Variants in SRBD1 observed in about 807,000 individuals in gnomAD.
SRBD1 encodes the protein S1 RNA-binding domain-containing protein 1.
SRBD1 carries 88 observed loss-of-function variants against 115.3 expected under a neutral mutation model. That is an observed-to-expected ratio of 0.76 (90% CI 0.64 to 0.91). SRBD1 has a LOEUF of 0.91. Among genes scored for constraint, SRBD1 ranks in the 40% least tolerant of loss-of-function variants. The pLI is 0.00. For synonymous variants in SRBD1, 509 were observed against 407.7 expected, an observed-to-expected ratio of 1.25 and a Z score of -2.99; for missense variants, 1,385 against 1,177.4, an observed-to-expected ratio of 1.18 and a Z score of -2.58.
intron 18 of SRBD1, among the ~76,000 whole-genome samples, chr2:45,414,337 AAC>A (rs1426755210): frequency 6.6e-6 from 1 of 152,180 alleles, no homozygotes; most frequent in African/African-American, 2.4e-5. Context: ...AACTACAAGA[AAC>A]AGTGCAGAAA....
chr2:45,569,602 TA>T (rs1160000274), intron 9 of SRBD1: 1 of 152,146 alleles, frequency 6.6e-6, no homozygotes, highest in African/African-American at 2.4e-5. Context: ...GGAAGAAAAA[TA>T]AATTTTAAAA....
chr2:45,520,884 C>A (rs191703120), intron 14 of SRBD1, among the ~76,000 whole-genome samples: 2 of 152,196 alleles, frequency 1.3e-5, no homozygotes, highest in East Asian at 3.9e-4. Flanking sequence ...CCATGTGTAA[C>A]CCAATTCTTC....
At chr2:45,570,671 G>C (rs193239867) in intron 9 of SRBD1, among the ~76,000 whole-genome samples, 1 of 152,186 alleles carries the variant, frequency 6.6e-6, no homozygotes, top group Admixed American at 6.5e-5. Context: ...ATTTCTATAA[G>C]AGAGCACTTT....
chr2:45,407,174 AG>A lies in SRBD1; in HGVS notation c.2513+5939del, dbSNP rs1667461178. Among the ~76,000 whole-genome samples the A allele has an allele frequency of 2.0e-5, 3 of 152,166 alleles. 1 individual carries two copies. Among genetic ancestry groups the A allele is most frequent in the South Asian group, 4.1e-4 (2 of 4,824 alleles). ...GGAATAATAATAGTACCAACCTCAC[AG>A]GGTTGCTGTGTGAGGTTTAAACATG... On this transcript the variant is annotated intron_variant, in intron 19 of 20. Transcript: ENST00000263736.
intron 14 of SRBD1, among the ~76,000 whole-genome samples, chr2:45,537,375 C>T (rs1490513269): frequency 6.6e-6 from 1 of 152,188 alleles, no homozygotes; most frequent in African/African-American, 2.4e-5. Flanking sequence ...AATACACACA[C>T]TCTTATCTTT....
At chr2:45,527,770 A>G (rs916675345) in intron 14 of SRBD1, among the ~76,000 whole-genome samples, 1 of 151,900 alleles carries the variant, frequency 6.6e-6, no homozygotes, top group Admixed American at 6.6e-5. Flanking sequence ...ATGGTAGTAA[A>G]GGATGAAGCT....
chr2:45,430,260 A>T (rs1325772405), intron 16 of SRBD1, among the ~76,000 whole-genome samples: 1 of 152,102 alleles, frequency 6.6e-6, no homozygotes, highest in Non-Finnish European at 1.5e-5. Flanking sequence ...TCAAGCTACC[A>T]CTGACTTTCT....
Position 45,389,515 on chromosome 2 carries a change from T to C in SRBD1, c.2783A>G (p.Asn928Ser), listed in dbSNP as rs775732615. Residue 928 changes from asparagine (N) to serine (S), a missense_variant, in exon 21 of 21, where the codon AAT becomes AGT. Asn to Ser is a conservative substitution (Grantham distance 46). Coordinates refer to ENST00000263736, the MANE Select transcript of SRBD1 (RefSeq NM_018079.5). ...CACAAAAATTCCAAAGAGAGTGGCA[T>C]TCTCAACTTTGCCTGTAAGAACTGT... ...IGTVLTGKVE[N>S]ATLFGIFVDI... 6.2e-7 allele frequency: 1 copy of C among 1,614,082 alleles called. No individual in the cohort carries two copies. Among genetic ancestry groups the C allele is most frequent in the Non-Finnish European group, 8.5e-7 (1 of 1,179,948 alleles).
At chr2:45,442,268 C>A (rs1239670222) in intron 16 of SRBD1, among the ~76,000 whole-genome samples, 1 of 152,176 alleles carries the variant, frequency 6.6e-6, no homozygotes, top group African/African-American at 2.4e-5. Flanking sequence ...ACCAATTAAG[C>A]ACCTCTAACA....
At chr2:45,581,049 C>T (rs1398064981) in intron 6 of SRBD1, among the ~76,000 whole-genome samples, 15 of 152,040 alleles carry the variant, frequency 9.9e-5, no homozygotes, top group Non-Finnish European at 1.5e-5. Flanking sequence ...TCTCACATAC[C>T]TTGCAGGAAA....
intron 20 of SRBD1, among the ~76,000 whole-genome samples, chr2:45,390,398 G>A (rs1169627200): frequency 1.3e-5 from 2 of 151,904 alleles, no homozygotes; most frequent in African/African-American, 4.8e-5. Flanking sequence ...GTTCATTATT[G>A]TCCAAAAGGT....
In SRBD1 at chr2:45,596,913, A is replaced by AC. The variant is rs770256361; in HGVS notation, c.648+2535dup. On this transcript the variant is annotated intron_variant, in intron 4 of 20. Coordinates refer to ENST00000263736, the MANE Select transcript of SRBD1 (RefSeq NM_018079.5). Reference sequence around the variant, plus strand: ...AAATGCCCTCCTTTTCTCAGAGAACACCCCCCCACAACCCTAACACACACA... The same window carrying AC: ...AAATGCCCTCCTTTTCTCAGAGAACACCCCCCCCACAACCCTAACACACACA... Among the ~76,000 whole-genome samples, 10 of 135,202 alleles carry AC rather than the reference A, an allele frequency of 7.4e-5. No homozygotes were observed. The East Asian group carries it at 8.2e-4, about 11-fold the overall frequency. 88.7% of individuals were successfully genotyped at this position (135,202 alleles called of 152,430 possible). A position where few individuals can be genotyped will look rare whatever the true frequency, so the allele number is the denominator to read the frequency against.
intron 16 of SRBD1, among the ~76,000 whole-genome samples, chr2:45,438,028 G>A (rs1668553123): frequency 1.3e-5 from 2 of 152,132 alleles, no homozygotes; most frequent in African/African-American, 4.8e-5. Flanking sequence ...AACTTTGACT[G>A]ATAATGATAT....
At chr2:45,467,105 T>C (rs1053143367) in intron 16 of SRBD1, among the ~76,000 whole-genome samples, 7 of 152,240 alleles carry the variant, frequency 4.6e-5, no homozygotes, top group African/African-American at 1.7e-4. Flanking sequence ...TTTCTGATCC[T>C]ACAGGTCTGG....
At chr2:45,493,206 G>C (rs904056507) in intron 14 of SRBD1, among the ~76,000 whole-genome samples, 1 of 152,202 alleles carries the variant, frequency 6.6e-6, no homozygotes, top group African/African-American at 2.4e-5. Context: ...CATATCGTGA[G>C]AGGTTAAATG....
At chr2:45,544,783 C>T (rs757702586) in intron 14 of SRBD1, among the ~76,000 whole-genome samples, 13 of 151,928 alleles carry the variant, frequency 8.6e-5, no homozygotes, top group African/African-American at 2.4e-4. Context: ...AATAAAAGTA[C>T]GTATATAAAC....
rs1199310683 is a variant in SRBD1, at chr2:45,602,003, G to T, written c.161C>A (p.Pro54His). The T allele has an allele frequency of 1.9e-6, 3 of 1,614,052 alleles. No individual in the cohort carries two copies. Among genetic ancestry groups the T allele is most frequent in the Non-Finnish European group, 2.5e-6 (3 of 1,180,024 alleles). The change falls in exon 3 of 21, where the codon CCC (proline) becomes CAC (histidine). Residue 54 changes from proline to histidine, a missense_variant. By Grantham distance (77) the Pro-to-His change is moderately conservative. Transcript: ENST00000263736. Reference sequence around the variant, plus strand: ...CTTTGGTTTGGATTCCTTGGGAGGGGGCTGTTTACGGCTTCTGGGAACTTT... The same window carrying T: ...CTTTGGTTTGGATTCCTTGGGAGGGTGCTGTTTACGGCTTCTGGGAACTTT... ...QKKVPRSRKQ[P>H]PPKESKPKRM...
intron 14 of SRBD1, among the ~76,000 whole-genome samples, chr2:45,502,399 C>A (rs1338721783): frequency 6.6e-6 from 1 of 152,132 alleles, no homozygotes; most frequent in African/African-American, 2.4e-5. Context: ...TAATACAGCA[C>A]TATTCACAAT....
intron 19 of SRBD1, among the ~76,000 whole-genome samples, chr2:45,405,483 G>T (rs1667405522): frequency 6.6e-6 from 1 of 152,152 alleles, no homozygotes. Context: ...CAGACAAATG[G>T]AAAGGTTGGG....
Sources: gnomAD v4.1 joint callset for allele counts (sites outside exome capture counted in the v4.1 genomes callset) on GRCh38, gnomAD v4.1.1 for gene constraint, MANE v1.5 for transcripts, NCBI Gene and HGNC (gene_info 2026-07-23, HGNC 2026-07-21) for gene names.